The following USP9X variants were observed in gnomAD, a reference collection of about 807,000 sequenced individuals.
The protein encoded by USP9X is ubiquitin carboxyl-terminal hydrolase 9X.
USP9X carries 7 observed loss-of-function variants against 190.3 expected under a neutral mutation model. The observed-to-expected ratio is 0.04, with a 90% CI of 0.02 to 0.07. USP9X has a LOEUF of 0.07. Among genes scored for constraint, USP9X ranks in the 10% least tolerant of loss-of-function variants. The pLI, the probability that USP9X is intolerant of heterozygous loss-of-function variation, is 1.00. For synonymous variants in USP9X, 645 were observed against 659.5 expected (o/e 0.98, Z 0.34); for missense variants, 1,010 against 1,916.9 (o/e 0.53, Z 8.83).
chrX:41,161,703 G>A (rs1263894135), intron 14 of USP9X, among the ~76,000 whole-genome samples: 2 of 92,008 alleles, frequency 2.2e-5, no homozygotes, highest in Non-Finnish European at 4.2e-5. Flanking sequence ...GTACAGTGGT[G>A]CAATCATAGC....
At chrX:41,172,656 C>G (rs1440963089) in intron 21 of USP9X, among the ~76,000 whole-genome samples, 1 of 112,129 alleles carries the variant, frequency 8.9e-6, no homozygotes, top group Non-Finnish European at 1.9e-5. Context: ...TTCTCTAGAT[C>G]ACTGACAACT....
chrX:41,184,672 A>G lies in USP9X; in HGVS notation c.3555A>G (p.Thr1185=). The G allele has an allele frequency of 8.3e-7, 1 of 1,198,148 alleles. No individual in the cohort carries two copies. Residue 1185 remains threonine (T), a synonymous_variant, in exon 23 of 45, where the codon ACA becomes ACG. Coordinates refer to ENST00000378308, the MANE Select transcript of USP9X (RefSeq NM_001039591.3). Reference sequence around the variant, plus strand: ...GTGTAGAAGGTGTGAATCCCATGACACAGGTAATACAGACTTTTTAAAAAT... The same window carrying G: ...GTGTAGAAGGTGTGAATCCCATGACGCAGGTAATACAGACTTTTTAAAAAT... ...QPGVEGVNPM[T]QINQVTHDQA...
intron 26 of USP9X, among the ~76,000 whole-genome samples, chrX:41,193,650 C>T (rs2062957134): frequency 9.0e-6 from 1 of 111,217 alleles, no homozygotes; most frequent in Admixed American, 9.6e-5. Flanking sequence ...GGTGACAGAA[C>T]GAGACCCAGT....
At position 41,234,426 on chromosome X, in the gene USP9X, G is replaced by T. The variant is rs1034160371; in HGVS notation, c.*1902G>T. ...GGCAGGTATTTAAGATAAAGCTTTG[G>T]GTATCTTATTTGTAGTACTGTATAG... On this transcript the variant is annotated 3_prime_UTR_variant, in exon 45 of 45. Coordinates refer to ENST00000378308, the MANE Select transcript of USP9X (RefSeq NM_001039591.3). 1 of 111,839 alleles carries T rather than the reference G, an allele frequency of 8.9e-6. No homozygotes were observed. Among genetic ancestry groups the T allele is most frequent in the Non-Finnish European group, 1.9e-5 (1 of 53,128 alleles). 9.2% of individuals were successfully genotyped at this position (111,839 alleles called of 1,213,427 possible). A position where few individuals can be genotyped will look rare whatever the true frequency, so the allele number is the denominator to read the frequency against.
intron 21 of USP9X, among the ~76,000 whole-genome samples, chrX:41,174,422 T>C (rs2062755626): frequency 8.9e-6 from 1 of 111,824 alleles, no homozygotes; most frequent in East Asian, 2.8e-4. Flanking sequence ...AGTTTCCTTC[T>C]GAAACAGTTC....
chrX:41,103,252 G>A (rs1466198787), intron 1 of USP9X, among the ~76,000 whole-genome samples: 1 of 112,613 alleles, frequency 8.9e-6, no homozygotes, highest in East Asian at 2.7e-4. Context: ...GAACTTCACA[G>A]CCTTTGTAAC....
At chrX:41,172,386 T>C (rs2062734677) in intron 21 of USP9X, among the ~76,000 whole-genome samples, 1 of 111,925 alleles carries the variant, frequency 8.9e-6, no homozygotes, top group Non-Finnish European at 1.9e-5. Context: ...GACTATAATA[T>C]GGGTCATGTG....
intron 14 of USP9X, among the ~76,000 whole-genome samples, chrX:41,161,635 C>CTTTTT (rs759623425): frequency 0.014 from 681 of 47,382 alleles, 37 homozygotes; most frequent in African/African-American, 0.022. Context: ...GGCGCCCTGC[C>CTTTTT]TTTTTTTTTT....
chrX:41,165,083 T>C (rs774253730), intron 15 of USP9X, among the ~76,000 whole-genome samples: 1 of 112,286 alleles, frequency 8.9e-6, no homozygotes, highest in African/African-American at 3.2e-5. Context: ...TCATAAATAT[T>C]GATGGATTAG....
intron 33 of USP9X, among the ~76,000 whole-genome samples, chrX:41,213,425 A>G (rs1297924349): frequency 8.9e-6 from 1 of 112,464 alleles, no homozygotes; most frequent in Non-Finnish European, 1.9e-5. Context: ...ACTGTAGGCT[A>G]ATATAAGTGT....
chrX:41,230,075 C>T (rs1411764970), intron 43 of USP9X, among the ~76,000 whole-genome samples: 14 of 111,183 alleles, frequency 1.3e-4, no homozygotes. Context: ...GTGGCAGGCG[C>T]CTGTAATCTC....
At chrX:41,205,748 TAATA>T (rs1281320981) in intron 32 of USP9X, among the ~76,000 whole-genome samples, 2 of 109,550 alleles carry the variant, frequency 1.8e-5, no homozygotes, top group Non-Finnish European at 3.8e-5. Context: ...GGAAAACATC[TAATA>T]AATACAGAAG....
Position 41,121,622 on chromosome X carries a change from G to A in USP9X, c.-158-1849G>A, listed in dbSNP as rs149864189. ...AGAAATGAAACTTTGCAATGCTTGT[G>A]GGAAGTCTCTCTCAATCTCTTGAGA... is the stretch of plus-strand genomic sequence containing the variant. On this transcript the variant is annotated intron_variant, in intron 1 of 44. Transcript: ENST00000378308. Among the ~76,000 whole-genome samples the A allele has an allele frequency of 7.1e-3, 795 of 111,623 alleles. 6 individuals are homozygous for A. Among genetic ancestry groups the A allele is most frequent in the African/African-American group, 0.023 (709 of 30,683 alleles).
chrX:41,134,011 A>G, intron 4 of USP9X, among the ~76,000 whole-genome samples: 1 of 112,212 alleles, frequency 8.9e-6, no homozygotes, highest in Non-Finnish European at 1.9e-5. Context: ...AAAATGATGG[A>G]TAAACACTGA....
chrX:41,214,344 A>G (rs1473581315), intron 33 of USP9X, among the ~76,000 whole-genome samples: 1 of 111,579 alleles, frequency 9.0e-6, no homozygotes, highest in Non-Finnish European at 1.9e-5. Context: ...TATTGCTAAC[A>G]TTCTATGACT....
intron 1 of USP9X, among the ~76,000 whole-genome samples, chrX:41,113,224 T>C (rs1466006891): frequency 1.8e-5 from 2 of 112,185 alleles, no homozygotes; most frequent in African/African-American, 6.5e-5. Context: ...TTATTTGAGA[T>C]GGAGTCTCGC....
chrX:41,167,660 C>A, intron 17 of USP9X, 83 bp downstream of exon 17: 2 of 661,989 alleles, frequency 3.0e-6, no homozygotes, highest in Non-Finnish European at 4.5e-6. Flanking sequence ...AAAATATTAT[C>A]TAAATGAATC....
At chrX:41,087,919 A>G (rs11266302) in intron 1 of USP9X, among the ~76,000 whole-genome samples, 1 of 111,789 alleles carries the variant, frequency 8.9e-6, no homozygotes, top group Non-Finnish European at 1.9e-5. Flanking sequence ...AGGAAGGAAC[A>G]TTGAAGGGCA....
At chrX:41,086,371 C>T (rs1333309770) in intron 1 of USP9X, among the ~76,000 whole-genome samples, 1 of 112,120 alleles carries the variant, frequency 8.9e-6, no homozygotes, top group Non-Finnish European at 1.9e-5. Flanking sequence ...GGCTCCGTCC[C>T]TCCCCCTCCT....
Sources: allele counts gnomAD v4.1 joint callset (sites outside exome capture counted in the v4.1 genomes callset), GRCh38; gene constraint gnomAD v4.1.1; transcripts MANE v1.5; gene names NCBI Gene and HGNC (gene_info 2026-07-23, HGNC 2026-07-21).